GTF3C5: variants seen among roughly 807,000 people sequenced by gnomAD.
The protein encoded by GTF3C5 is general transcription factor IIIC subunit 5, also known as general transcription factor 3C polypeptide 5.
A neutral mutation model predicts 61.0 loss-of-function variants in GTF3C5; 47 were observed. That is an observed-to-expected ratio of 0.77 (90% CI 0.61 to 0.98). The LOEUF (loss-of-function observed/expected upper bound fraction) is 0.98. Among genes scored for constraint, GTF3C5 ranks in the 50% least tolerant of loss-of-function variants. GTF3C5 has a pLI of 0.00. For synonymous variants in GTF3C5, 295 were observed against 275.4 expected (o/e 1.07, Z -0.71); for missense variants, 659 against 703.3 (o/e 0.94, Z 0.71).
At chr9:133,051,778 G>A (rs959799716) in intron 4 of GTF3C5, among the ~76,000 whole-genome samples, 2 of 152,202 alleles carry the variant, frequency 1.3e-5, no homozygotes, top group Non-Finnish European at 2.9e-5. Flanking sequence ...TCCCCACCGC[G>A]CTGTGGGCTC....
intron 1 of GTF3C5, among the ~76,000 whole-genome samples, chr9:133,034,737 T>C (rs539463432): frequency 5.3e-5 from 8 of 152,310 alleles, no homozygotes; most frequent in African/African-American, 1.9e-4. Flanking sequence ...GCTGGTGTGC[T>C]GGAAACTCTA....
At chr9:133,054,010 T>C (rs953082970) in intron 6 of GTF3C5, 68 bp downstream of exon 6, 1 of 995,916 alleles carries the variant, frequency 1.0e-6, no homozygotes, top group African/African-American at 1.6e-5. Flanking sequence ...TAGCATTCTC[T>C]TTTGTAGTAA....
chr9:133,047,966 A>T (rs578012145), intron 3 of GTF3C5, among the ~76,000 whole-genome samples: 1 of 152,180 alleles, frequency 6.6e-6, no homozygotes, highest in South Asian at 2.1e-4. Flanking sequence ...GTCTACAAAA[A>T]TTTTTTTTAA....
intron 1 of GTF3C5, among the ~76,000 whole-genome samples, chr9:133,031,528 T>C (rs1367073473): frequency 6.6e-6 from 1 of 152,070 alleles, no homozygotes; most frequent in Non-Finnish European, 1.5e-5. Context: ...AATTTGTATT[T>C]TTTAGTAGAG....
At chr9:133,034,099 T>C (rs1849803867) in intron 1 of GTF3C5, among the ~76,000 whole-genome samples, 1 of 152,158 alleles carries the variant, frequency 6.6e-6, no homozygotes, top group South Asian at 2.1e-4. Context: ...TCTTGGGCCA[T>C]TGTTTGGGGA....
At chr9:133,054,337 A>T in intron 6 of GTF3C5, 71 bp from the exon 7 acceptor site, 1 of 1,283,750 alleles carries the variant, frequency 7.8e-7, no homozygotes, top group Non-Finnish European at 1.1e-6. Flanking sequence ...TCCCATCTCC[A>T]GTGTGAAGCC....
intron 3 of GTF3C5, among the ~76,000 whole-genome samples, chr9:133,046,123 T>G (rs1002723525): frequency 6.6e-6 from 1 of 152,212 alleles, no homozygotes; most frequent in Non-Finnish European, 1.5e-5. Flanking sequence ...GCCAAAAGTT[T>G]GAGACCAGCC....
intron 2 of GTF3C5, among the ~76,000 whole-genome samples, chr9:133,043,240 C>A (rs538839562): frequency 1.3e-5 from 2 of 152,270 alleles, no homozygotes; most frequent in South Asian, 4.1e-4. Context: ...CAAGGTTTCC[C>A]AAGTGATTCA....
chr9:133,058,159 G>C lies in GTF3C5; in HGVS notation c.*179G>C. ...TAGCACTGGCTGTGACATGCTGCTT[G>C]GTGCTGCCTCTGGTCCTGAGGGGTT... On this transcript the variant is annotated 3_prime_UTR_variant, in exon 11 of 11. Coordinates refer to ENST00000372097, the MANE Select transcript of GTF3C5 (RefSeq NM_012087.4). The C allele has an allele frequency of 7.0e-7, 1 of 1,435,608 alleles. No individual in the cohort carries two copies. Among genetic ancestry groups the C allele is most frequent in the Non-Finnish European group, 9.1e-7 (1 of 1,094,176 alleles). The allele number at this position is 1,435,608 out of a possible 1,614,324, so 88.9% of individuals were successfully genotyped here.
chr9:133,055,912 T>A lies in GTF3C5; in HGVS notation c.1168-100T>A, dbSNP rs1022098227. The A allele has an allele frequency of 2.6e-5, 41 of 1,549,084 alleles. No individual in the cohort carries two copies. In the African/African-American group the frequency reaches 5.0e-4, roughly 19 times the overall value. ...AACCTGCTCCTGGTGACCAGCCAGC[T>A]CCCTGGAGAGACCCCATGGGAGCCT... On this transcript the variant is annotated intron_variant, in intron 8 of 10. Coordinates refer to ENST00000372097, the MANE Select transcript of GTF3C5 (RefSeq NM_012087.4).
chr9:133,030,860 C>T (rs1321753213), upstream of GTF3C5: 1 of 863,364 alleles, frequency 1.2e-6, no homozygotes, highest in South Asian at 1.4e-5. Flanking sequence ...CATTTGCTCC[C>T]TGGAGGCCCT....
At chr9:133,040,200 C>T (rs751010144) in intron 1 of GTF3C5, among the ~76,000 whole-genome samples, 3 of 152,190 alleles carry the variant, frequency 2.0e-5, no homozygotes, top group Non-Finnish European at 4.4e-5. Flanking sequence ...ATTCCCGCCC[C>T]ATCGGGACTC....
At chr9:133,057,134 G>A (rs1176774749) in intron 10 of GTF3C5, among the ~76,000 whole-genome samples, 1 of 152,202 alleles carries the variant, frequency 6.6e-6, no homozygotes, top group Non-Finnish European at 1.5e-5. Context: ...CCTGCGGTCC[G>A]GGGCAGGAGA....
rs150988929 is a variant in GTF3C5, at chr9:133,041,015, G to T, written c.154-1072G>T. ...GTCATACAGAGATAGGAGCTGAGGG[G>T]ACATGGTGAGAAGTGACCAGAAGAC... is the stretch of plus-strand genomic sequence containing the variant. On this transcript the variant is annotated intron_variant, in intron 1 of 10. Transcript: ENST00000372097. 1.0e-3 allele frequency among the ~76,000 whole-genome samples: 158 copies of T among 152,362 alleles called. 1 individual carries two copies. In the East Asian group the frequency reaches 0.026, roughly 25 times the overall value.
chr9:133,048,146 T>C (rs1163136835), intron 3 of GTF3C5, among the ~76,000 whole-genome samples: 2 of 148,394 alleles, frequency 1.3e-5, no homozygotes, highest in Non-Finnish European at 3.0e-5. Flanking sequence ...AAAAGTGGTT[T>C]TTTGGTTTGT....
intron 2 of GTF3C5, among the ~76,000 whole-genome samples, chr9:133,042,975 C>T (rs1045561798): frequency 6.6e-6 from 1 of 152,184 alleles, no homozygotes; most frequent in African/African-American, 2.4e-5. Flanking sequence ...TGTGAATGGG[C>T]CAGCCTCTGG....
rs1588484239 is a variant in GTF3C5, at chr9:133,058,207, C to T, written c.*227C>T. 1 of 1,312,928 alleles carries T rather than the reference C, an allele frequency of 7.6e-7. No homozygotes were observed. Among genetic ancestry groups the T allele is most frequent in the Non-Finnish European group, 9.7e-7 (1 of 1,025,796 alleles). 81.3% of individuals were successfully genotyped at this position (1,312,928 alleles called of 1,614,324 possible). On this transcript the variant is annotated 3_prime_UTR_variant, in exon 11 of 11. Coordinates refer to ENST00000372097, the MANE Select transcript of GTF3C5 (RefSeq NM_012087.4). The stretch of plus-strand genomic sequence containing the variant: ...GTTAGGGACATCCCCAAAGGGTATA[C>T]CCTGGCTCTGCCACCCATGAACCAG...
At chr9:133,044,132 G>C in intron 3 of GTF3C5, 1 of 181,988 alleles carries the variant, frequency 5.5e-6, no homozygotes, top group Non-Finnish European at 1.0e-5. Flanking sequence ...GTGACAGAGT[G>C]AGACTTTGTC....
intron 1 of GTF3C5, among the ~76,000 whole-genome samples, chr9:133,038,716 C>T (rs889017947): frequency 6.6e-6 from 1 of 151,964 alleles, no homozygotes; most frequent in African/African-American, 2.4e-5. Flanking sequence ...CTCGGCCTCC[C>T]AAAGTGCTGG....
Sources: allele counts gnomAD v4.1 joint callset (sites outside exome capture counted in the v4.1 genomes callset), GRCh38; gene constraint gnomAD v4.1.1; transcripts MANE v1.5; gene names NCBI Gene and HGNC (gene_info 2026-07-23, HGNC 2026-07-21).